The following ABCB11 variants were observed in gnomAD, a reference collection of about 807,000 sequenced individuals.
ABCB11 encodes the protein ATP binding cassette subfamily B member 11.
Under a neutral mutation model 148.0 loss-of-function variants are expected in ABCB11, and 95 were observed. The ratio of observed to expected loss-of-function variants is 0.64; its 90% CI spans 0.54 to 0.76. The LOEUF (loss-of-function observed/expected upper bound fraction) is 0.76. ABCB11 is among the 30% of genes least tolerant of loss of function. The pLI, the probability that ABCB11 is intolerant of heterozygous loss-of-function variation, is 0.00. For missense variants in ABCB11, 1,523 were observed against 1,617.8 expected (o/e 0.94, Z 1.01); for synonymous variants, 591 against 555.4 (o/e 1.06, Z -0.90).
At chr2:168,954,220 T>A (rs1692687350) in intron 19 of ABCB11, among the ~76,000 whole-genome samples, 1 of 106,212 alleles carries the variant, frequency 9.4e-6, no homozygotes, top group Non-Finnish European at 2.1e-5. Flanking sequence ...GTTTCCCTCT[T>A]TTTCTGTTTT....
intron 10 of ABCB11, among the ~76,000 whole-genome samples, chr2:168,980,677 T>G (rs1694104215): frequency 6.6e-6 from 1 of 152,144 alleles, no homozygotes; most frequent in South Asian, 2.1e-4. Context: ...TGACTGCCAT[T>G]CTACCTAGCT....
chr2:168,974,585 G>A (rs192241084), intron 12 of ABCB11, among the ~76,000 whole-genome samples: 1 of 152,032 alleles, frequency 6.6e-6, no homozygotes, highest in East Asian at 1.9e-4. Flanking sequence ...TGGACTGTAA[G>A]CTCCCAGAGC....
At chr2:168,924,851 C>T (rs1341791394) in intron 26 of ABCB11, 48 bp from the exon 27 acceptor site, 2 of 1,531,332 alleles carry the variant, frequency 1.3e-6, no homozygotes, top group African/African-American at 1.4e-5. Flanking sequence ...GTTATTGCTC[C>T]TGTGCTGTAC....
rs1475652239 is a variant in ABCB11 at position 169,006,107 on chromosome 2, T to C, written c.389+7165A>G. Among the ~76,000 whole-genome samples, 6 of 152,206 alleles carry C rather than the reference T, an allele frequency of 3.9e-5. 1 individual carries two copies. In the South Asian group the frequency reaches 6.2e-4, roughly 16 times the overall value. ...ACATTATAAGAGAAGAAAACTCTTA[T>C]ATATTATATCTCTTATTAATATAGA... On this transcript the variant is annotated intron_variant, in intron 5 of 27. Coordinates refer to ENST00000650372, the MANE Select transcript of ABCB11 (RefSeq NM_003742.4).
intron 5 of ABCB11, among the ~76,000 whole-genome samples, chr2:169,007,489 T>A (rs1304635734): frequency 1.3e-5 from 2 of 152,156 alleles, no homozygotes; most frequent in Non-Finnish European, 2.9e-5. Context: ...GATTAGAGCA[T>A]CTGCTAAGTT....
intron 9 of ABCB11, among the ~76,000 whole-genome samples, chr2:168,988,779 A>G (rs1694415809): frequency 6.6e-6 from 1 of 152,044 alleles, no homozygotes; most frequent in Admixed American, 6.6e-5. Flanking sequence ...AACACTTGAT[A>G]TCTTTCTTCT....
chr2:168,916,413 T>C (rs76230172), downstream of ABCB11, among the ~76,000 whole-genome samples: 1,113 of 152,324 alleles, frequency 7.3e-3, 11 homozygotes, highest in Non-Finnish European at 0.012. Context: ...CTCCAATTTA[T>C]TGGGTTGAGT....
intron 17 of ABCB11, among the ~76,000 whole-genome samples, chr2:168,966,607 T>C (rs1409858019): frequency 6.6e-6 from 1 of 151,932 alleles, no homozygotes. Context: ...TTTCTCAACA[T>C]TATTATTTAG....
chr2:168,927,449 G>C, intron 25 of ABCB11, 87 bp from the exon 26 acceptor site: 1 of 1,141,870 alleles, frequency 8.8e-7, no homozygotes, highest in South Asian at 1.4e-5. Flanking sequence ...GTGTTATGCA[G>C]GACATTTGGT....
At chr2:169,007,846 C>G (rs1346048445) in intron 5 of ABCB11, among the ~76,000 whole-genome samples, 3 of 151,998 alleles carry the variant, frequency 2.0e-5, no homozygotes, top group Non-Finnish European at 4.4e-5. Flanking sequence ...GAAAGACAAC[C>G]CAAAGAATGA....
intron 23 of ABCB11, among the ~76,000 whole-genome samples, chr2:168,933,196 A>G (rs1691662969): frequency 6.6e-6 from 1 of 152,140 alleles, no homozygotes; most frequent in African/African-American, 2.4e-5. Context: ...GGCTTGAAAG[A>G]TCACCAGATT....
rs767636463 is a variant in ABCB11, at chr2:168,930,776, T to G, written c.3300A>C (p.Ser1100=). ...GTGTCTGCCCTGGACTAATCGACAC[T>G]GAGAGACCATTCAGAACTTGCGAGT... ...RPDSQVLNGL[S]VSISPGQTLA... is the part of the protein sequence containing the mutation. The change falls in exon 25 of 28, where the codon TCA becomes TCC. Residue 1100 remains serine, a synonymous_variant. Coordinates refer to ENST00000650372, the MANE Select transcript of ABCB11 (RefSeq NM_003742.4). 14 of 1,613,678 alleles carry G rather than the reference T, an allele frequency of 8.7e-6. No individual in the cohort carries two copies. Among genetic ancestry groups the G allele is most frequent in the African/African-American group, 1.3e-5 (1 of 74,930 alleles).
intron 14 of ABCB11, 52 bp downstream of exon 14, chr2:168,971,795 T>G: frequency 6.5e-7 from 1 of 1,548,466 alleles, no homozygotes; most frequent in Non-Finnish European, 8.9e-7. Flanking sequence ...GTGCAACTTT[T>G]TTTCCTTCTA....
chr2:168,928,889 A>T (rs1313085982), intron 25 of ABCB11, among the ~76,000 whole-genome samples: 1 of 152,222 alleles, frequency 6.6e-6, no homozygotes, highest in African/African-American at 2.4e-5. Flanking sequence ...ATTATAAATT[A>T]TAGGCAATCA....
chr2:169,023,322 C>T (rs1394527948), intron 1 of ABCB11, among the ~76,000 whole-genome samples: 1 of 152,156 alleles, frequency 6.6e-6, no homozygotes, highest in Non-Finnish European at 1.5e-5. Flanking sequence ...TCCCAACAGC[C>T]TCCTGAGATG....
At chr2:168,959,149 A>G (rs1327575765) in intron 18 of ABCB11, among the ~76,000 whole-genome samples, 1 of 151,696 alleles carries the variant, frequency 6.6e-6, no homozygotes, top group African/African-American at 2.4e-5. Flanking sequence ...ATTTTAAATG[A>G]AAGTCTGTGT....
intron 27 of ABCB11, among the ~76,000 whole-genome samples, 188 bp downstream of exon 27, chr2:168,924,469 A>T (rs898794669): frequency 6.6e-6 from 1 of 151,976 alleles, no homozygotes; most frequent in Non-Finnish European, 1.5e-5. Context: ...AAGGTAAAAT[A>T]TTTTTTTTGA....
rs374548469 is a variant in ABCB11, at chr2:168,944,762, T to C, written c.2453A>G (p.Tyr818Cys). ...VSLFTQFLQG[Y>C]AFAKSGELLT... Reference sequence around the variant, plus strand: ...GAGCTCCCCAGATTTAGCAAAGGCATATCCCTAAAACATGAAGAGGGAGAT... The same window carrying C: ...GAGCTCCCCAGATTTAGCAAAGGCACATCCCTAAAACATGAAGAGGGAGAT... The change falls in exon 21 of 28, where the codon TAT becomes TGT. Residue 818 changes from tyrosine to cysteine, a missense_variant. By Grantham distance (194) the Tyr-to-Cys change is radical (BLOSUM62 -2). Coordinates refer to ENST00000650372, the MANE Select transcript of ABCB11 (RefSeq NM_003742.4). 1.9e-6 allele frequency: 3 copies of C among 1,612,392 alleles called. No individual in the cohort carries two copies. Among genetic ancestry groups the C allele is most frequent in the Non-Finnish European group, 2.5e-6 (3 of 1,179,056 alleles).
At chr2:169,011,986 C>T (rs1239254261) in intron 5 of ABCB11, among the ~76,000 whole-genome samples, 2 of 152,092 alleles carry the variant, frequency 1.3e-5, no homozygotes, top group African/African-American at 4.8e-5. Flanking sequence ...CTTAAGACAA[C>T]TGTGTCCTTG....
Sources: gnomAD v4.1 joint callset for allele counts (sites outside exome capture counted in the v4.1 genomes callset) on GRCh38, gnomAD v4.1.1 for gene constraint, MANE v1.5 for transcripts, NCBI Gene and HGNC (gene_info 2026-07-23, HGNC 2026-07-21) for gene names.